CSMD1: variants seen among roughly 807,000 people sequenced by gnomAD.
CSMD1 encodes CUB and sushi domain-containing protein 1.
CSMD1 carries 213 observed loss-of-function variants against 417.5 expected under a neutral mutation model. That is an observed-to-expected ratio of 0.51 (90% CI 0.46 to 0.57). The LOEUF (loss-of-function observed/expected upper bound fraction) is 0.57, where lower values mean the gene tolerates loss of function less well. Among genes scored for constraint, CSMD1 ranks in the 20% least tolerant of loss-of-function variants. CSMD1 has a pLI of 0.00. For synonymous variants in CSMD1, 2,862 were observed against 1,736.8 expected (o/e 1.65, Z -16.11); for missense variants, 6,923 against 4,529.7 (o/e 1.53, Z -15.17).
intron 5 of CSMD1, among the ~76,000 whole-genome samples, chr8:3,964,217 G>T (rs777295089): frequency 6.6e-6 from 1 of 152,148 alleles, no homozygotes; most frequent in Non-Finnish European, 1.5e-5. Context: ...CTGTATAAAT[G>T]AGAGTGATTT....
chr8:4,271,734 T>C (rs887334728), intron 3 of CSMD1, among the ~76,000 whole-genome samples: 1 of 152,196 alleles, frequency 6.6e-6, no homozygotes, highest in African/African-American at 2.4e-5. Context: ...GGCCTGTATA[T>C]GATTAATATA....
intron 2 of CSMD1, among the ~76,000 whole-genome samples, chr8:4,506,092 A>AT (rs1410716738): frequency 6.6e-6 from 1 of 152,202 alleles, no homozygotes; most frequent in African/African-American, 2.4e-5. Flanking sequence ...ACCAAAATTA[A>AT]TTACCACAAT....
chr8:4,848,496 C>CA (rs1801276298), intron 1 of CSMD1, among the ~76,000 whole-genome samples: 1 of 151,818 alleles, frequency 6.6e-6, no homozygotes, highest in African/African-American at 2.4e-5. Context: ...ATCGTGCTGC[C>CA]AGTCATTAAA....
chr8:3,094,034 A>G (rs1815130316), intron 47 of CSMD1, among the ~76,000 whole-genome samples: 1 of 152,014 alleles, frequency 6.6e-6, no homozygotes, highest in African/African-American at 2.4e-5. Flanking sequence ...AATTTATGAT[A>G]TTTTGAAATG....
chr8:4,389,651 T>C lies in CSMD1; in HGVS notation c.415+30302A>G, dbSNP rs183382457. On this transcript the variant is annotated intron_variant, in intron 3 of 69. Coordinates refer to ENST00000635120, the MANE Select transcript of CSMD1 (RefSeq NM_033225.6). ...CCACAAATCGTAGTATCCACTTCCCTCCCTAAACTCCACCTTTATTTTTAA... is the reference window on the plus strand; with the variant it reads ...CCACAAATCGTAGTATCCACTTCCCCCCCTAAACTCCACCTTTATTTTTAA... 3.3e-5 allele frequency among the ~76,000 whole-genome samples: 5 copies of C among 152,288 alleles called. No individual in the cohort carries two copies. In the East Asian group the frequency reaches 9.6e-4, roughly 29 times the overall value.
At chr8:4,372,305 C>T (rs1482857823) in intron 3 of CSMD1, among the ~76,000 whole-genome samples, 1 of 152,122 alleles carries the variant, frequency 6.6e-6, no homozygotes, top group Non-Finnish European at 1.5e-5. Flanking sequence ...TAAATGACAT[C>T]ATGAGAACAG....
intron 12 of CSMD1, among the ~76,000 whole-genome samples, chr8:3,433,577 T>C (rs17066114): frequency 0.1 from 15,449 of 152,314 alleles, 863 homozygotes; most frequent in Middle Eastern, 0.14. Flanking sequence ...ATTAAAGCCA[T>C]GCACACGTGC....
At chr8:4,668,707 C>G (rs1275922151) in intron 1 of CSMD1, among the ~76,000 whole-genome samples, 1 of 151,970 alleles carries the variant, frequency 6.6e-6, no homozygotes, top group Non-Finnish European at 1.5e-5. Context: ...GCGTCAGCCT[C>G]CCAAAAATAA....
intron 1 of CSMD1, among the ~76,000 whole-genome samples, chr8:4,695,771 C>G (rs1342491014): frequency 1.3e-5 from 2 of 152,140 alleles, no homozygotes; most frequent in African/African-American, 2.4e-5. Flanking sequence ...TGATATGTAT[C>G]CCCGATATAG....
chr8:3,457,643 C>T (rs1477879684), intron 12 of CSMD1, among the ~76,000 whole-genome samples: 1 of 152,202 alleles, frequency 6.6e-6, no homozygotes, highest in Non-Finnish European at 1.5e-5. Flanking sequence ...TGCAAAATAT[C>T]ATCCATTTCT....
chr8:3,891,955 C>T (rs903111093), intron 5 of CSMD1, among the ~76,000 whole-genome samples: 5 of 152,054 alleles, frequency 3.3e-5, no homozygotes, highest in Non-Finnish European at 5.9e-5. Context: ...CATTTTCCAG[C>T]GTCCAAAAGC....
At chr8:3,788,649 A>G (rs935977129) in intron 5 of CSMD1, among the ~76,000 whole-genome samples, 1 of 152,216 alleles carries the variant, frequency 6.6e-6, no homozygotes. Context: ...CCTCTGAGGT[A>G]GATAAATGTA....
chr8:4,248,791 G>C (rs1802866606), intron 3 of CSMD1, among the ~76,000 whole-genome samples: 1 of 151,950 alleles, frequency 6.6e-6, no homozygotes, highest in Non-Finnish European at 1.5e-5. Context: ...TTCCTCCTCT[G>C]AATGGAAAAA....
At chr8:4,705,996 A>AT (rs1205615885) in intron 1 of CSMD1, among the ~76,000 whole-genome samples, 1 of 151,484 alleles carries the variant, frequency 6.6e-6, no homozygotes, top group Non-Finnish European at 1.5e-5. Context: ...ATGAACTGTA[A>AT]TTTTTTTCAA....
At chr8:3,340,391 T>C (rs1219124758) in intron 23 of CSMD1, among the ~76,000 whole-genome samples, 1 of 152,234 alleles carries the variant, frequency 6.6e-6, no homozygotes, top group East Asian at 1.9e-4. Flanking sequence ...GTTAGGGTTT[T>C]TTTTTATTAA....
intron 8 of CSMD1, among the ~76,000 whole-genome samples, chr8:3,606,382 G>C (rs1801614339): frequency 6.6e-6 from 1 of 152,142 alleles, no homozygotes; most frequent in Admixed American, 6.5e-5. Context: ...GCATGTTACT[G>C]TACTGAGTAC....
intron 3 of CSMD1, among the ~76,000 whole-genome samples, chr8:4,096,128 G>A (rs928960009): frequency 7.2e-5 from 11 of 152,040 alleles, no homozygotes; most frequent in African/African-American, 2.7e-4. Flanking sequence ...AAACATCCAG[G>A]GTCCTAGATG....
intron 68 of CSMD1, among the ~76,000 whole-genome samples, chr8:2,947,028 A>G (rs546792259): frequency 6.6e-6 from 1 of 152,344 alleles, no homozygotes; most frequent in Admixed American, 6.5e-5. Context: ...CTTTAGAGAC[A>G]TATCTATTCA....
intron 3 of CSMD1, among the ~76,000 whole-genome samples, chr8:4,351,967 G>GA (rs1296144967): frequency 5.6e-4 from 60 of 107,958 alleles, no homozygotes; most frequent in Admixed American, 2.8e-3. Context: ...TTTTTTTTCA[G>GA]AAAAAAAAAT....
Sources: gnomAD v4.1 joint callset for allele counts (sites outside exome capture counted in the v4.1 genomes callset) on GRCh38, gnomAD v4.1.1 for gene constraint, MANE v1.5 for transcripts, NCBI Gene and HGNC (gene_info 2026-07-23, HGNC 2026-07-21) for gene names.